The following SLC16A9 variants were observed in gnomAD, a reference collection of about 807,000 sequenced individuals.
SLC16A9 encodes monocarboxylate transporter 9.
SLC16A9 carries 26 observed loss-of-function variants against 44.3 expected under a neutral mutation model. The ratio of observed to expected loss-of-function variants is 0.59; its 90% CI spans 0.43 to 0.81. The LOEUF (loss-of-function observed/expected upper bound fraction) is 0.81. Ranked by LOEUF, SLC16A9 falls within the 40% of genes least tolerant of loss-of-function variation. The pLI, the probability that SLC16A9 is intolerant of heterozygous loss-of-function variation, is 0.00. For synonymous variants in SLC16A9, 230 were observed against 225.1 expected (o/e 1.02, Z -0.19); for missense variants, 559 against 595.8 (o/e 0.94, Z 0.64).
rs139611127 is a variant in SLC16A9 at position 59,653,935 on chromosome 10, G to A, written c.1091C>T (p.Ala364Val). 3.7e-6 allele frequency: 6 copies of A among 1,613,926 alleles called. No individual in the cohort carries two copies. The highest frequency in any genetic ancestry group is 5.1e-6 in the Non-Finnish European group (6 of 1,180,044). The change falls in exon 5 of 6, where the codon GCT (alanine) becomes GTT (valine). Residue 364 changes from alanine (A) to valine (V), a missense_variant. Coordinates refer to ENST00000395348, the MANE Select transcript of SLC16A9 (RefSeq NM_194298.3). Reference sequence around the variant, plus strand: ...CAAGGTATTAATCCACTTGAAGTCAGCCAGTATCCCTAAAAGCAGTTTACC... The same window carrying A: ...CAAGGTATTAATCCACTTGAAGTCAACCAGTATCCCTAAAAGCAGTTTACC... Reference protein sequence around the residue: ...AVGKLLLGILADFKWINTLYL... With the variant: ...AVGKLLLGILVDFKWINTLYL...
At chr10:59,684,372 T>A in intron 1 of SLC16A9, 45 bp from the exon 2 acceptor site, 1 of 1,192,230 alleles carries the variant, frequency 8.4e-7, no homozygotes, top group Non-Finnish European at 1.2e-6. Flanking sequence ...TAGAGTGTGG[T>A]AGGGCACAGC....
rs762712173 is a variant in SLC16A9, at chr10:59,652,766, A to G, written c.*6T>C. The stretch of plus-strand genomic sequence containing the variant: ...AATAGCAAAAATAGTGTCTTCCAAT[A>G]TTCTTCTAAACATTAGAGGCAACTT... On this transcript the variant is annotated 3_prime_UTR_variant, in exon 6 of 6. Transcript: ENST00000395348. The G allele has an allele frequency of 3.2e-5, 51 of 1,597,982 alleles. No homozygotes were observed. Among genetic ancestry groups the G allele is most frequent in the South Asian group, 2.3e-4 (20 of 87,764 alleles).
intron 1 of SLC16A9, among the ~76,000 whole-genome samples, chr10:59,701,816 C>T (rs1840529752): frequency 6.6e-6 from 1 of 152,202 alleles, no homozygotes; most frequent in East Asian, 1.9e-4. Context: ...CTGGAGGCAG[C>T]TGGAATGCCT....
chr10:59,696,330 T>C (rs1434416096), intron 1 of SLC16A9, among the ~76,000 whole-genome samples: 1 of 152,210 alleles, frequency 6.6e-6, no homozygotes, highest in Non-Finnish European at 1.5e-5. Flanking sequence ...GGTTTCCAGC[T>C]CCTAACCGCG....
At chr10:59,692,122 ATCACT>A (rs1409128890) in intron 1 of SLC16A9, among the ~76,000 whole-genome samples, 1 of 152,220 alleles carries the variant, frequency 6.6e-6, no homozygotes, top group Non-Finnish European at 1.5e-5. Context: ...TTGAATCTCA[ATCACT>A]ACCGGATTGT....
intron 2 of SLC16A9, among the ~76,000 whole-genome samples, chr10:59,676,692 G>A (rs1839864578): frequency 6.6e-6 from 1 of 152,128 alleles, no homozygotes; most frequent in Non-Finnish European, 1.5e-5. Flanking sequence ...TGAGGCCAAG[G>A]CAGGTGGAAC....
chr10:59,687,609 C>T (rs536132965), intron 1 of SLC16A9, among the ~76,000 whole-genome samples: 1 of 152,228 alleles, frequency 6.6e-6, no homozygotes, highest in Admixed American at 6.5e-5. Context: ...ACTTCATAGG[C>T]AAAATTTGTC....
intron 1 of SLC16A9, among the ~76,000 whole-genome samples, chr10:59,708,217 A>G (rs1840687531): frequency 2.6e-5 from 4 of 152,200 alleles, no homozygotes. Flanking sequence ...CATATTTATT[A>G]TTAATTATTG....
chr10:59,679,636 A>C (rs1270650122), intron 2 of SLC16A9, among the ~76,000 whole-genome samples: 1 of 152,236 alleles, frequency 6.6e-6, no homozygotes, highest in Non-Finnish European at 1.5e-5. Context: ...GTGACTATGC[A>C]CTTTATTCAC....
intron 4 of SLC16A9, among the ~76,000 whole-genome samples, chr10:59,658,394 G>T (rs373299803): frequency 3.3e-5 from 5 of 152,034 alleles, no homozygotes; most frequent in African/African-American, 1.2e-4. Flanking sequence ...ATATTTTAAA[G>T]AATTTGACTC....
chr10:59,676,586 G>A (rs1329652698), intron 2 of SLC16A9, among the ~76,000 whole-genome samples: 1 of 152,050 alleles, frequency 6.6e-6, no homozygotes, highest in East Asian at 1.9e-4. Context: ...GGGGAAAAAG[G>A]GGCAAGGGTT....
chr10:59,683,984 G>A, intron 2 of SLC16A9, 112 bp downstream of exon 2: 1 of 812,616 alleles, frequency 1.2e-6, no homozygotes, highest in East Asian at 2.7e-5. Context: ...GGCAGGAAAA[G>A]ATATGTTATA....
At chr10:59,697,575 AC>A (rs1840423871) in intron 1 of SLC16A9, among the ~76,000 whole-genome samples, 1 of 149,562 alleles carries the variant, frequency 6.7e-6, no homozygotes, top group Non-Finnish European at 1.5e-5. Flanking sequence ...AATCTCAAGT[AC>A]CCAGGGACAC....
At chr10:59,680,930 C>T (rs1839971017) in intron 2 of SLC16A9, among the ~76,000 whole-genome samples, 2 of 151,756 alleles carry the variant, frequency 1.3e-5, no homozygotes, top group South Asian at 4.2e-4. Flanking sequence ...TTGCAGTGAG[C>T]CAATATAGCA....
At chr10:59,698,209 A>C (rs1004904398) in intron 1 of SLC16A9, among the ~76,000 whole-genome samples, 3 of 152,232 alleles carry the variant, frequency 2.0e-5, no homozygotes, top group African/African-American at 7.2e-5. Flanking sequence ...ATTTCTTAAT[A>C]CTTAGAACAC....
chr10:59,653,665 A>G lies in SLC16A9; in HGVS notation c.1351+10T>C. ...AGTAAAATGGGATGATTTTAAGATA[A>G]ATATCTTACCAACGATGGGTGGTCC... is the stretch of plus-strand genomic sequence containing the variant. On this transcript the variant is annotated intron_variant, in intron 5 of 5. Transcript: ENST00000395348. The G allele has an allele frequency of 6.3e-7, 1 of 1,599,864 alleles. No individual in the cohort carries two copies. The highest frequency in any genetic ancestry group is 8.5e-7 in the Non-Finnish European group (1 of 1,172,118).
rs1158309478 is a variant in SLC16A9, at chr10:59,651,383, G to C, written c.*1389C>G. ...GGTTTATAAAATCCCCTGACCTCTT[G>C]GGTTTTAAAAAAATTATTATTTAAA... On this transcript the variant is annotated 3_prime_UTR_variant, in exon 6 of 6. Transcript: ENST00000395348. 6.6e-6 allele frequency: 1 copy of C among 151,956 alleles called. No homozygotes were observed. The highest frequency in any genetic ancestry group is 1.5e-5 in the Non-Finnish European group (1 of 67,988). 9.4% of individuals were successfully genotyped at this position (151,956 alleles called of 1,614,324 possible).
chr10:59,689,392 T>C (rs74152116), intron 1 of SLC16A9, among the ~76,000 whole-genome samples: 3,503 of 152,294 alleles, frequency 0.023, 136 homozygotes, highest in African/African-American at 0.08. Context: ...AGATCAGTCC[T>C]ATGGCTAGAG....
chr10:59,680,083 C>T (rs1352506426), intron 2 of SLC16A9, among the ~76,000 whole-genome samples: 1 of 152,068 alleles, frequency 6.6e-6, no homozygotes, highest in African/African-American at 2.4e-5. Flanking sequence ...CTCAGAGACC[C>T]TAGGAATATA....
Sources: gnomAD v4.1 joint callset for allele counts (sites outside exome capture counted in the v4.1 genomes callset) on GRCh38, gnomAD v4.1.1 for gene constraint, MANE v1.5 for transcripts, NCBI Gene and HGNC (gene_info 2026-07-23, HGNC 2026-07-21) for gene names.